The following ANXA4 variants were observed in gnomAD, a reference collection of about 807,000 sequenced individuals.
ANXA4 encodes the protein 35-beta calcimedin.
A neutral mutation model predicts 49.8 loss-of-function variants in ANXA4; 39 were observed. The ratio of observed to expected loss-of-function variants is 0.78; its 90% CI spans 0.61 to 1.02. The LOEUF is 1.02. Among genes scored for constraint, ANXA4 ranks in the 50% least tolerant of loss-of-function variants. ANXA4 has a pLI of 0.00. For missense variants in ANXA4, 360 were observed against 410.1 expected, an observed-to-expected ratio of 0.88 and a Z score of 1.05; for synonymous variants, 134 against 152.5, an observed-to-expected ratio of 0.88 and a Z score of 0.89.
chr2:69,772,728 CTGTT>C (rs1340862547), intron 1 of ANXA4, among the ~76,000 whole-genome samples: 1 of 151,942 alleles, frequency 6.6e-6, no homozygotes, highest in African/African-American at 2.4e-5. Context: ...ATTTAGAAAT[CTGTT>C]TGGTGGCCAG....
chr2:69,692,759 C>G (rs932552173), intron 2 of ANXA4, among the ~76,000 whole-genome samples: 4 of 152,174 alleles, frequency 2.6e-5, no homozygotes, highest in Non-Finnish European at 5.9e-5. Context: ...TACAATGTGC[C>G]TAGCGCTAGG....
rs1674498246 is a variant in ANXA4, at chr2:69,827,005, CATAAA to C, written c.*1495_*1499del. On this transcript the variant is annotated 3_prime_UTR_variant, in exon 13 of 13. Transcript: ENST00000394295. ...ACATATGCCAAACACTACTCAATAACATAAAATAATGTATGAACTTATTCTCTGGA... is the reference window on the plus strand; with the variant it reads ...ACATATGCCAAACACTACTCAATAACATAATGTATGAACTTATTCTCTGGA... 6.6e-6 allele frequency: 1 copy of C among 152,152 alleles called. No individual in the cohort carries two copies. The highest frequency in any genetic ancestry group is 1.5e-5 in the Non-Finnish European group (1 of 68,024). The allele number at this position is 152,152 out of a possible 1,614,324, so 9.4% of individuals were successfully genotyped here.
intron 2 of ANXA4, among the ~76,000 whole-genome samples, chr2:69,697,813 T>C (rs1038820308): frequency 1.3e-5 from 2 of 152,090 alleles, no homozygotes; most frequent in Non-Finnish European, 2.9e-5. Flanking sequence ...GCCCTAAACA[T>C]TAACAATGGT....
At chr2:69,772,749 T>A (rs1163192784) in intron 1 of ANXA4, among the ~76,000 whole-genome samples, 2 of 152,208 alleles carry the variant, frequency 1.3e-5, no homozygotes, top group East Asian at 3.8e-4. Flanking sequence ...CCAGGCGCAG[T>A]GGCTCACACC....
intron 1 of ANXA4, among the ~76,000 whole-genome samples, chr2:69,779,349 C>G (rs1019118524): frequency 1.3e-5 from 2 of 152,142 alleles, no homozygotes; most frequent in African/African-American, 4.8e-5. Context: ...GGTTCATTGT[C>G]TTATCCACTG....
intron 3 of ANXA4, among the ~76,000 whole-genome samples, chr2:69,722,316 T>C (rs1418444629): frequency 1.3e-5 from 2 of 152,206 alleles, no homozygotes; most frequent in Non-Finnish European, 2.9e-5. Context: ...CACGCTTGCA[T>C]GCCAGTGTTC....
At chr2:69,722,546 G>GA (rs1669842297) in intron 3 of ANXA4, among the ~76,000 whole-genome samples, 1 of 151,862 alleles carries the variant, frequency 6.6e-6, no homozygotes, top group Non-Finnish European at 1.5e-5. Context: ...GATTCTACTT[G>GA]TATAAAATAT....
At chr2:69,727,413 G>A (rs978117138) in intron 3 of ANXA4, among the ~76,000 whole-genome samples, 1 of 152,100 alleles carries the variant, frequency 6.6e-6, no homozygotes, top group African/African-American at 2.4e-5. Flanking sequence ...ATAACATTTG[G>A]TATAACTAGT....
rs566681949 is a variant in ANXA4 at position 69,784,508 on chromosome 2, T to G, written c.9+2934T>G. On this transcript the variant is annotated intron_variant, in intron 2 of 12. Transcript: ENST00000394295. ...GCTGGGGCCAACAGCCATGTTGGAATTCTGACAGCAAGTCACCAATTTGCG... is the reference window on the plus strand; with the variant it reads ...GCTGGGGCCAACAGCCATGTTGGAAGTCTGACAGCAAGTCACCAATTTGCG... Among the ~76,000 whole-genome samples, 3 of 152,376 alleles carry G rather than the reference T, an allele frequency of 2.0e-5. No individual in the cohort carries two copies. The East Asian group carries it at 5.8e-4, about 29-fold the overall frequency.
At chr2:69,721,311 G>A (rs894822538) in intron 3 of ANXA4, among the ~76,000 whole-genome samples, 1 of 152,240 alleles carries the variant, frequency 6.6e-6, no homozygotes, top group Non-Finnish European at 1.5e-5. Flanking sequence ...ACTCTACAGG[G>A]TGGGTAGGCC....
At chr2:69,650,786 C>T (rs1676204717) in intron 1 of ANXA4, among the ~76,000 whole-genome samples, 1 of 152,172 alleles carries the variant, frequency 6.6e-6, no homozygotes, top group Non-Finnish European at 1.5e-5. Context: ...GCATTAAATC[C>T]TAAGTATTTC....
chr2:69,699,660 CAAG>C (rs1483627579), intron 2 of ANXA4, among the ~76,000 whole-genome samples: 1 of 151,928 alleles, frequency 6.6e-6, no homozygotes, highest in African/African-American at 2.4e-5. Flanking sequence ...AAACAAAAAA[CAAG>C]AAACAAACAA....
At chr2:69,670,740 A>C (rs1386157340) in intron 2 of ANXA4, among the ~76,000 whole-genome samples, 1 of 152,090 alleles carries the variant, frequency 6.6e-6, no homozygotes, top group Non-Finnish European at 1.5e-5. Flanking sequence ...AAATCAATTC[A>C]GGGTCAGGCG....
chr2:69,744,565 G>A (rs1485683946), intron 1 of ANXA4, among the ~76,000 whole-genome samples: 1 of 152,174 alleles, frequency 6.6e-6, no homozygotes, highest in African/African-American at 2.4e-5. Context: ...GGCTACTTAT[G>A]GAGGCAGTTT....
chr2:69,702,073 G>A (rs566815573), intron 2 of ANXA4, among the ~76,000 whole-genome samples: 22 of 152,040 alleles, frequency 1.4e-4, no homozygotes, highest in Middle Eastern at 3.4e-3. Context: ...ATGCAGTGGC[G>A]CGATCTCAGC....
chr2:69,702,952 C>T (rs917673881), intron 2 of ANXA4, among the ~76,000 whole-genome samples: 4 of 152,046 alleles, frequency 2.6e-5, no homozygotes, highest in South Asian at 2.1e-4. Flanking sequence ...TAAATAAATT[C>T]GCCCATGTTT....
At chr2:69,824,924 G>A (rs1361267118) in intron 12 of ANXA4, among the ~76,000 whole-genome samples, 14 of 151,700 alleles carry the variant, frequency 9.2e-5, no homozygotes, top group African/African-American at 3.1e-4. Context: ...AAAATTAGCC[G>A]GGCATGGTGG....
At chr2:69,648,181 T>C (rs1287239040) in intron 1 of ANXA4, among the ~76,000 whole-genome samples, 1 of 152,220 alleles carries the variant, frequency 6.6e-6, no homozygotes, top group South Asian at 2.1e-4. Context: ...ACAATACATC[T>C]ATGAAGTGTG....
intron 3 of ANXA4, among the ~76,000 whole-genome samples, chr2:69,803,031 A>G (rs2103800685): frequency 6.6e-6 from 1 of 151,326 alleles, no homozygotes; most frequent in East Asian, 2.0e-4. Context: ...ACCCATCTCT[A>G]GTAAAAAATA....
Sources: gnomAD v4.1 joint callset for allele counts (sites outside exome capture counted in the v4.1 genomes callset) on GRCh38, gnomAD v4.1.1 for gene constraint, MANE v1.5 for transcripts, NCBI Gene and HGNC (gene_info 2026-07-23, HGNC 2026-07-21) for gene names.